WDFY4: variants seen among roughly 807,000 people sequenced by gnomAD.
The protein encoded by WDFY4 is WDFY family member 4.
In WDFY4, 169 loss-of-function variants were observed where a neutral mutation model predicts 351.9. The observed-to-expected ratio is 0.48, with a 90% CI of 0.42 to 0.55. The LOEUF (loss-of-function observed/expected upper bound fraction) is 0.55, where lower values mean the gene tolerates loss of function less well. WDFY4 is among the 20% of genes least tolerant of loss of function. The probability of loss-of-function intolerance (pLI) is 0.00; values close to 1 mark genes in which losing one functional copy is unlikely to be tolerated. For synonymous variants in WDFY4, 1,622 were observed against 1,574.6 expected, an observed-to-expected ratio of 1.03 and a Z score of -0.71; for missense variants, 3,803 against 3,935.6, an observed-to-expected ratio of 0.97 and a Z score of 0.90.
chr10:48,862,478 G>A (rs942528939), intron 39 of WDFY4, among the ~76,000 whole-genome samples: 7 of 152,252 alleles, frequency 4.6e-5, no homozygotes, highest in African/African-American at 1.7e-4. Context: ...GATCTAGGTT[G>A]TGTTCTCCTT....
rs2663046 is a variant in WDFY4 at position 48,901,857 on chromosome 10, G to A, written c.7580G>A (p.Ser2527Asn). 1,543,988 of 1,551,558 alleles carry A rather than the reference G, an allele frequency of 1. 768,540 individuals are homozygous for A. Among genetic ancestry groups the A allele is most frequent in the East Asian group, 1 (40,902 of 40,902 alleles). Residue 2527 changes from serine to asparagine, a missense_variant, in exon 47 of 62, where the codon AGT becomes AAT. Coordinates refer to ENST00000325239, the MANE Select transcript of WDFY4 (RefSeq NM_001394531.1). Reference sequence around the variant, plus strand: ...AAAGCCACCTCGGAGGACACCCTCAGTCTAAGGTAATGGCGGGTAGCCATG... The same window carrying A: ...AAAGCCACCTCGGAGGACACCCTCAATCTAAGGTAATGGCGGGTAGCCATG... Reference protein sequence around the residue: ...KGKATSEDTLSLRRYPGSDRI... With the variant: ...KGKATSEDTLNLRRYPGSDRI...
chr10:48,813,249 T>C (rs916403139), intron 30 of WDFY4, among the ~76,000 whole-genome samples: 12 of 152,242 alleles, frequency 7.9e-5, no homozygotes, highest in African/African-American at 2.4e-4. Flanking sequence ...CTCTTGTATA[T>C]CTTTATAATT....
Position 48,936,228 on chromosome 10 carries a change from C to A in WDFY4, c.7587-5578C>A, listed in dbSNP as rs751201603. ...AACAAAACAAATCATTAAATGAGAG[C>A]TAACTATAACATTTTTTAATACATA... On this transcript the variant is annotated intron_variant, in intron 47 of 61. Coordinates refer to ENST00000325239, the MANE Select transcript of WDFY4 (RefSeq NM_001394531.1). Among the ~76,000 whole-genome samples the A allele has an allele frequency of 4.3e-4, 66 of 151,938 alleles. 1 individual carries two copies. Among genetic ancestry groups the A allele is most frequent in the Non-Finnish European group, 7.2e-4 (49 of 67,942 alleles).
chr10:48,902,354 C>T (rs75619633), intron 47 of WDFY4, among the ~76,000 whole-genome samples: 4,799 of 152,244 alleles, frequency 0.032, 247 homozygotes, highest in African/African-American at 0.11. Flanking sequence ...CCCCCGCCGC[C>T]GCCAGGTCCC....
chr10:48,885,153 G>T (rs763026249), intron 43 of WDFY4, among the ~76,000 whole-genome samples: 2 of 151,990 alleles, frequency 1.3e-5, no homozygotes, highest in African/African-American at 2.4e-5. Flanking sequence ...AATCTTCTGG[G>T]TTGCTTAATA....
chr10:48,977,394 C>T (rs946650047), intron 59 of WDFY4, among the ~76,000 whole-genome samples: 2 of 152,140 alleles, frequency 1.3e-5, no homozygotes, highest in Admixed American at 6.5e-5. Context: ...CCCATCCATC[C>T]ACCCATCCAT....
intron 12 of WDFY4, among the ~76,000 whole-genome samples, chr10:48,752,533 C>T (rs1162570551): frequency 6.6e-6 from 1 of 152,232 alleles, no homozygotes; most frequent in Non-Finnish European, 1.5e-5. Context: ...AAAACCTATA[C>T]TCATTCTCAT....
chr10:48,920,565 C>T (rs1330413320), intron 47 of WDFY4, among the ~76,000 whole-genome samples: 3 of 152,106 alleles, frequency 2.0e-5, no homozygotes, highest in Non-Finnish European at 4.4e-5. Flanking sequence ...TAGTATCATA[C>T]TTCGTGAAGG....
chr10:48,765,361 T>C (rs2065635275), intron 13 of WDFY4, among the ~76,000 whole-genome samples: 1 of 152,214 alleles, frequency 6.6e-6, no homozygotes, highest in Non-Finnish European at 1.5e-5. Flanking sequence ...GAAAATTATT[T>C]AAACTCTTTG....
intron 20 of WDFY4, among the ~76,000 whole-genome samples, chr10:48,788,259 C>T (rs1004406692): frequency 9.9e-5 from 15 of 151,838 alleles, no homozygotes; most frequent in Admixed American, 9.2e-4. Flanking sequence ...GAAATCCTGA[C>T]CTCAAGTGAT....
At position 48,873,614 on chromosome 10, in the gene WDFY4, G is replaced by T. The variant is rs1423191657; in HGVS notation, c.6865G>T (p.Asp2289Tyr). The T allele has an allele frequency of 1.9e-6, 3 of 1,551,660 alleles. No individual in the cohort carries two copies. The highest frequency in any genetic ancestry group is 2.4e-5 in the South Asian group (2 of 84,048). ...CAAGCCCTGTTCCCCATGGGAACTCGACTGGAGAGAAGGACCAGCTCGAAT... is the reference window on the plus strand; with the variant it reads ...CAAGCCCTGTTCCCCATGGGAACTCTACTGGAGAGAAGGACCAGCTCGAAT... The part of the protein sequence containing the change: ...ETKPCSPWEL[D>Y]WREGPARMRK... The change falls in exon 41 of 62, where the codon GAC (aspartate) becomes TAC (tyrosine). Residue 2289 changes from aspartate to tyrosine, a missense_variant. Transcript: ENST00000325239.
At chr10:48,745,607 T>C in intron 12 of WDFY4, 2 of 528,932 alleles carry the variant, frequency 3.8e-6, no homozygotes, top group Non-Finnish European at 7.2e-6. Context: ...TTGGCCTGTT[T>C]CTGCAGCCTT....
rs529787359 is a variant in WDFY4, at chr10:48,775,627, A to T, written c.2769-85A>T. ...GCTGGGAGGTCAGGGAGCTCCAGGC[A>T]TCTAGGACAGTTGTCAGGATAAAGT... is the stretch of plus-strand genomic sequence containing the variant. On this transcript the variant is annotated intron_variant, in intron 14 of 61. Transcript: ENST00000325239. 115 of 1,329,220 alleles carry T rather than the reference A, an allele frequency of 8.7e-5. No homozygotes were observed. In the South Asian group the frequency reaches 1.4e-3, roughly 16 times the overall value. 82.3% of individuals were successfully genotyped at this position (1,329,220 alleles called of 1,614,324 possible).
intron 43 of WDFY4, among the ~76,000 whole-genome samples, chr10:48,877,522 T>A (rs2070068471): frequency 6.6e-6 from 1 of 152,230 alleles, no homozygotes; most frequent in African/African-American, 2.4e-5. Context: ...GAATTCTTGA[T>A]CTTCTGGCAG....
In WDFY4 at chr10:48,684,948, G is replaced by A. The variant is rs1218289558; in HGVS notation, c.-71G>A. ...CCGAGCCTGAGGGGCTGCAGCTGGG[G>A]ATAGGGGGCCCATGCCTTCTGATGT... On this transcript the variant is annotated 5_prime_UTR_variant, in exon 1 of 62. Transcript: ENST00000325239. The A allele has an allele frequency of 1.3e-5, 2 of 152,576 alleles. No homozygotes were observed. The highest frequency in any genetic ancestry group is 2.4e-5 in the African/African-American group (1 of 41,482). The allele number at this position is 152,576 out of a possible 1,614,324, so 9.5% of individuals were successfully genotyped here. A position where few individuals can be genotyped will look rare whatever the true frequency, so the allele number is the denominator to read the frequency against.
chr10:48,750,575 C>G lies in WDFY4; in HGVS notation c.2459+7027C>G, dbSNP rs956454225. ...CCATCCCATGGGCCAAATCAGATCC[C>G]ACTGCCTCACATTTCCTCAGCACCC... On this transcript the variant is annotated intron_variant, in intron 12 of 61. Transcript: ENST00000325239. Among the ~76,000 whole-genome samples, 9 of 152,376 alleles carry G rather than the reference C, an allele frequency of 5.9e-5. No homozygotes were observed. The South Asian group carries it at 1.9e-3, about 32-fold the overall frequency.
chr10:48,794,227 A>T (rs2066779091), intron 23 of WDFY4, among the ~76,000 whole-genome samples: 1 of 152,124 alleles, frequency 6.6e-6, no homozygotes, highest in Admixed American at 6.5e-5. Context: ...GGAGAAGATG[A>T]GGCATGGGGA....
rs750945681 is a variant in WDFY4 at position 48,729,492 on chromosome 10, G to A, written c.1032G>A (p.Val344=). The part of the protein sequence containing the change: ...DPHLEELLGL[V]VWLTTCGRSE... ...ATCTGGAGGAGCTCCTTGGGCTGGTGGTGTGGCTGACAACCTGTGGGAGGT... is the reference window on the plus strand; with the variant it reads ...ATCTGGAGGAGCTCCTTGGGCTGGTAGTGTGGCTGACAACCTGTGGGAGGT... The change falls in exon 8 of 62, where the codon GTG becomes GTA. Residue 344 remains valine (V), a synonymous_variant. Transcript: ENST00000325239. The A allele has an allele frequency of 1.3e-6, 2 of 1,551,590 alleles. No individual in the cohort carries two copies. Among genetic ancestry groups the A allele is most frequent in the African/African-American group, 1.4e-5 (1 of 73,060 alleles).
Position 48,820,442 on chromosome 10 carries a change from G to T in WDFY4, c.5709+5G>T, listed in dbSNP as rs1187930427. ...CCCCTGGAGGTGCTCCTGGAGGTGG[G>T]TTGGAAAAGGTGACATTGGGCCATG... On this transcript the variant is annotated splice_donor_5th_base_variant and intron_variant, in intron 33 of 61. Transcript: ENST00000325239. The T allele has an allele frequency of 2.6e-6, 4 of 1,550,506 alleles. No homozygotes were observed. Among genetic ancestry groups the T allele is most frequent in the Non-Finnish European group, 1.7e-6 (2 of 1,146,402 alleles).
Sources: allele counts gnomAD v4.1 joint callset (sites outside exome capture counted in the v4.1 genomes callset), GRCh38; gene constraint gnomAD v4.1.1; transcripts MANE v1.5; gene names NCBI Gene and HGNC (gene_info 2026-07-23, HGNC 2026-07-21).